Variants in PDLIM5 observed in about 807,000 individuals in gnomAD.
PDLIM5 encodes the protein PDZ and LIM domain protein 5.
Under a neutral mutation model 64.2 loss-of-function variants are expected in PDLIM5, and 34 were observed. That is an observed-to-expected ratio of 0.53 (90% CI 0.40 to 0.71). The LOEUF (loss-of-function observed/expected upper bound fraction) is 0.71, where lower values mean the gene tolerates loss of function less well. Ranked by LOEUF, PDLIM5 falls within the 30% of genes least tolerant of loss-of-function variation. The pLI is 0.00. For missense variants in PDLIM5, 683 were observed against 733.6 expected, an observed-to-expected ratio of 0.93 and a Z score of 0.80; for synonymous variants, 253 against 269.1, an observed-to-expected ratio of 0.94 and a Z score of 0.59.
At chr4:94,554,793 ATATC>A (rs1335179734) in intron 3 of PDLIM5, among the ~76,000 whole-genome samples, 2 of 152,164 alleles carry the variant, frequency 1.3e-5, no homozygotes, top group African/African-American at 4.8e-5. Flanking sequence ...GATACATTCT[ATATC>A]TATATATATC....
At chr4:94,565,005 T>C (rs1348430851) in intron 3 of PDLIM5, among the ~76,000 whole-genome samples, 1 of 152,188 alleles carries the variant, frequency 6.6e-6, no homozygotes, top group African/African-American at 2.4e-5. Context: ...CAGAGCCTTC[T>C]GTATCATGGG....
chr4:94,657,300 A>C (rs562146908), intron 10 of PDLIM5, 127 bp from the exon 11 acceptor site: 1 of 601,550 alleles, frequency 1.7e-6, no homozygotes, highest in Admixed American at 3.0e-5. Flanking sequence ...AGCTCAAGAC[A>C]AAAATGAAGT....
intron 3 of PDLIM5, among the ~76,000 whole-genome samples, chr4:94,525,650 T>C (rs1395369830): frequency 6.6e-6 from 1 of 152,208 alleles, no homozygotes; most frequent in Non-Finnish European, 1.5e-5. Flanking sequence ...GTATTAAAAC[T>C]GAATAGGAAA....
intron 9 of PDLIM5, among the ~76,000 whole-genome samples, chr4:94,649,568 A>AT (rs149635953): frequency 1.3e-5 from 2 of 152,318 alleles, no homozygotes; most frequent in Non-Finnish European, 2.9e-5. Context: ...ATGTTAGCAT[A>AT]TAAGTTCCAT....
chr4:94,567,819 A>G (rs556179392), intron 3 of PDLIM5, among the ~76,000 whole-genome samples: 3 of 152,298 alleles, frequency 2.0e-5, no homozygotes, highest in Admixed American at 1.3e-4. Context: ...TTCTAGTCCA[A>G]TAATATTAAA....
chr4:94,632,761 T>C (rs949818675), intron 8 of PDLIM5, among the ~76,000 whole-genome samples: 3 of 152,146 alleles, frequency 2.0e-5, no homozygotes, highest in Admixed American at 2.0e-4. Flanking sequence ...ATCAGAGTGA[T>C]ACTATGTGAA....
chr4:94,609,158 A>C (rs982380144), intron 7 of PDLIM5, among the ~76,000 whole-genome samples: 5 of 152,192 alleles, frequency 3.3e-5, no homozygotes, highest in Admixed American at 6.5e-5. Flanking sequence ...ATCTAAGCTC[A>C]CATTAACCAG....
At chr4:94,542,243 C>T (rs866199176) in intron 3 of PDLIM5, among the ~76,000 whole-genome samples, 4 of 151,878 alleles carry the variant, frequency 2.6e-5, no homozygotes, top group Non-Finnish European at 1.5e-5. Flanking sequence ...ACCTGGGAGG[C>T]AGAGGTTGCA....
At chr4:94,528,445 T>C (rs974636938) in intron 3 of PDLIM5, among the ~76,000 whole-genome samples, 2 of 152,364 alleles carry the variant, frequency 1.3e-5, no homozygotes, top group South Asian at 2.1e-4. Context: ...TGTTATTTAC[T>C]AATTATTCCG....
chr4:94,569,957 C>T lies in PDLIM5; in HGVS notation c.249-3394C>T, dbSNP rs141282278. Among the ~76,000 whole-genome samples the T allele has an allele frequency of 2.9e-3, 446 of 152,180 alleles. 1 individual carries two copies. Among genetic ancestry groups the T allele is most frequent in the African/African-American group, 0.01 (430 of 41,526 alleles). Reference sequence around the variant, plus strand: ...TCTTATTTTCTTCCTTTCTTCCATCCATTGGTTCTCTGGCTTGACTTTTAT... The same window carrying T: ...TCTTATTTTCTTCCTTTCTTCCATCTATTGGTTCTCTGGCTTGACTTTTAT... On this transcript the variant is annotated intron_variant, in intron 3 of 12. Transcript: ENST00000317968.
At chr4:94,478,875 G>GT (rs1263614271) in intron 2 of PDLIM5, among the ~76,000 whole-genome samples, 3 of 146,152 alleles carry the variant, frequency 2.1e-5, no homozygotes, top group Non-Finnish European at 4.5e-5. Flanking sequence ...CCAAAAGAAG[G>GT]TAGGTGTGCT....
intron 2 of PDLIM5, among the ~76,000 whole-genome samples, chr4:94,480,775 A>G (rs1725778957): frequency 6.6e-6 from 1 of 152,202 alleles, no homozygotes; most frequent in Non-Finnish European, 1.5e-5. Flanking sequence ...TCTGTCATAC[A>G]GAGAGGGCAG....
At chr4:94,583,951 AG>A (rs1260099139) in intron 5 of PDLIM5, among the ~76,000 whole-genome samples, 1 of 152,232 alleles carries the variant, frequency 6.6e-6, no homozygotes, top group Non-Finnish European at 1.5e-5. Context: ...TTGAGCTTAG[AG>A]AAATGACTTG....
rs1466231958 is a variant in PDLIM5 at position 94,531,940 on chromosome 4, G to C, written c.248+8065G>C. On this transcript the variant is annotated intron_variant, in intron 3 of 12. Transcript: ENST00000317968. The stretch of plus-strand genomic sequence containing the variant: ...ATATGTTAGAGTGAAAGGAAAAAGG[G>C]GGGGAAAGCTTATAGGTTAATGGGC... Among the ~76,000 whole-genome samples, 8 of 151,728 alleles carry C rather than the reference G, an allele frequency of 5.3e-5. No homozygotes were observed. In the East Asian group the frequency reaches 5.8e-4, roughly 11 times the overall value.
chr4:94,646,560 A>G (rs1741427829), intron 9 of PDLIM5, among the ~76,000 whole-genome samples: 1 of 152,226 alleles, frequency 6.6e-6, no homozygotes, highest in Non-Finnish European at 1.5e-5. Flanking sequence ...AAGCAAATCA[A>G]CAACCAAATT....
chr4:94,630,674 C>G (rs1215254511), intron 8 of PDLIM5, among the ~76,000 whole-genome samples: 1 of 152,014 alleles, frequency 6.6e-6, no homozygotes, highest in African/African-American at 2.4e-5. Context: ...TGCGCCCGGC[C>G]TAGTATCCAT....
intron 8 of PDLIM5, among the ~76,000 whole-genome samples, chr4:94,626,667 G>A (rs1437848817): frequency 6.6e-6 from 1 of 151,796 alleles, no homozygotes; most frequent in Non-Finnish European, 1.5e-5. Flanking sequence ...TCTAGTTAAT[G>A]TGTTTTTCTT....
intron 7 of PDLIM5, among the ~76,000 whole-genome samples, chr4:94,616,161 C>T (rs1331419885): frequency 6.6e-6 from 1 of 151,968 alleles, no homozygotes; most frequent in African/African-American, 2.4e-5. Context: ...TTTCTTAGAA[C>T]CGTGATTATA....
chr4:94,566,748 A>C (rs1734355631), intron 3 of PDLIM5, among the ~76,000 whole-genome samples: 1 of 152,228 alleles, frequency 6.6e-6, no homozygotes, highest in Admixed American at 6.5e-5. Flanking sequence ...TTAGGGCTCT[A>C]AGCTTTTCTT....
Sources: gnomAD v4.1 joint callset for allele counts (sites outside exome capture counted in the v4.1 genomes callset) on GRCh38, gnomAD v4.1.1 for gene constraint, MANE v1.5 for transcripts, NCBI Gene and HGNC (gene_info 2026-07-23, HGNC 2026-07-21) for gene names.